RBM34: variants seen among roughly 807,000 people sequenced by gnomAD.
RBM34 encodes RNA-binding protein 34.
RBM34 carries 39 observed loss-of-function variants against 44.6 expected under a neutral mutation model. The observed-to-expected ratio is 0.87, with a 90% CI of 0.68 to 1.14. RBM34 has a LOEUF of 1.14. Among genes scored for constraint, RBM34 ranks in the 50% most tolerant of loss-of-function variants. The pLI is 0.00. For missense variants in RBM34, 572 were observed against 517.9 expected (o/e 1.10, Z -1.01); for synonymous variants, 194 against 184.0 (o/e 1.05, Z -0.44).
intron 6 of RBM34, among the ~76,000 whole-genome samples, chr1:235,142,298 G>A (rs1183615914): frequency 6.6e-6 from 1 of 152,040 alleles, no homozygotes; most frequent in African/African-American, 2.4e-5. Context: ...TTTATTTTGA[G>A]ACGGAGTTTC....
In RBM34 at chr1:235,133,406, G is replaced by A. The variant is rs1368562394; in HGVS notation, c.1009-1409C>T. On this transcript the variant is annotated intron_variant, in intron 10 of 10. Transcript: ENST00000408888. ...AGGGAAAAACAGAGAATTCTACCAA[G>A]GTCCAACATGAGAGAAATGACAGTA... is the stretch of plus-strand genomic sequence containing the variant. Among the ~76,000 whole-genome samples, 3 of 152,164 alleles carry A rather than the reference G, an allele frequency of 2.0e-5. No homozygotes were observed. In the East Asian group the frequency reaches 5.8e-4, roughly 29 times the overall value.
intron 3 of RBM34, among the ~76,000 whole-genome samples, chr1:235,155,862 TATATAC>T (rs1303363086): frequency 7.5e-5 from 3 of 40,000 alleles, no homozygotes; most frequent in African/African-American, 2.8e-4. Flanking sequence ...TATATATATA[TATATAC>T]ATATATACTT....
intron 3 of RBM34, among the ~76,000 whole-genome samples, chr1:235,157,467 G>A (rs1642688226): frequency 6.6e-6 from 1 of 152,176 alleles, no homozygotes; most frequent in African/African-American, 2.4e-5. Context: ...GGACTGATGA[G>A]AATGATGAGC....
chr1:235,147,492 T>A (rs1326519664), intron 6 of RBM34, among the ~76,000 whole-genome samples: 1 of 152,202 alleles, frequency 6.6e-6, no homozygotes, highest in Non-Finnish European at 1.5e-5. Flanking sequence ...CACTGAACAA[T>A]GCCTGGTATC....
chr1:235,133,260 G>A (rs1300987133), intron 10 of RBM34, among the ~76,000 whole-genome samples: 1 of 152,206 alleles, frequency 6.6e-6, no homozygotes, highest in African/African-American at 2.4e-5. Context: ...AGGATCGCTA[G>A]AGCCTGGGAG....
chr1:235,134,175 A>C (rs998479217), intron 10 of RBM34, among the ~76,000 whole-genome samples: 1 of 152,126 alleles, frequency 6.6e-6, no homozygotes, highest in Non-Finnish European at 1.5e-5. Flanking sequence ...GGCATGCACC[A>C]CCACGCCCAG....
chr1:235,146,368 A>C (rs1465185698), intron 6 of RBM34, among the ~76,000 whole-genome samples: 1 of 152,118 alleles, frequency 6.6e-6, no homozygotes, highest in African/African-American at 2.4e-5. Flanking sequence ...ATTTTTAAAA[A>C]ATGCTATAAA....
At chr1:235,152,504 T>G in intron 5 of RBM34, 3 of 1,297,686 alleles carry the variant, frequency 2.3e-6, no homozygotes, top group Non-Finnish European at 3.0e-6. Context: ...AGTATCATTT[T>G]ATTAAGTAAA....
intron 4 of RBM34, among the ~76,000 whole-genome samples, chr1:235,153,481 G>A (rs140876721): frequency 0.02 from 3,026 of 150,910 alleles, 34 homozygotes; most frequent in Non-Finnish European, 0.028. Context: ...GCTGGAGTGC[G>A]GTGGCACGAT....
intron 10 of RBM34, among the ~76,000 whole-genome samples, chr1:235,132,265 A>C (rs770274382): frequency 3.3e-5 from 5 of 152,124 alleles, no homozygotes; most frequent in Non-Finnish European, 7.4e-5. Flanking sequence ...TTTCATTGTA[A>C]AATGAGGTTC....
At chr1:235,158,471 G>A (rs1244081665) in intron 3 of RBM34, among the ~76,000 whole-genome samples, 3 of 143,056 alleles carry the variant, frequency 2.1e-5, no homozygotes, top group East Asian at 3.9e-4. Flanking sequence ...AGGCGAACGT[G>A]GATGGATCTG....
chr1:235,161,001 A>T lies in RBM34; in HGVS notation c.120T>A (p.Ser40Arg). 6.2e-7 allele frequency: 1 copy of T among 1,614,114 alleles called. No individual in the cohort carries two copies. The highest frequency in any genetic ancestry group is 8.5e-7 in the Non-Finnish European group (1 of 1,180,010). The change falls in exon 2 of 11, where the codon AGT (serine) becomes AGA (arginine). Residue 40 changes from serine to arginine, a missense_variant. Physicochemically the swap from Ser to Arg is moderately radical, Grantham distance 110. Coordinates refer to ENST00000408888, the MANE Select transcript of RBM34 (RefSeq NM_015014.4). ...AATGGTGTTCGCCGCGAAATAAGCT[A>T]CTGGCGACCTGTCCAAGCCTGTAGT... ...PEDYRLGQVASSLFRGEHHSR... is the reference protein window; with the variant it reads ...PEDYRLGQVARSLFRGEHHSR...
chr1:235,155,876 C>A (rs868627501), intron 3 of RBM34, among the ~76,000 whole-genome samples: 32 of 84,460 alleles, frequency 3.8e-4, no homozygotes, highest in East Asian at 4.5e-4. Context: ...TACATATATA[C>A]TTTTTTTTTT....
At position 235,135,701 on chromosome 1, in the gene RBM34, C is replaced by T; in HGVS notation, c.959G>A (p.Arg320Lys). 5 of 1,614,236 alleles carry T rather than the reference C, an allele frequency of 3.1e-6. No individual in the cohort carries two copies. The highest frequency in any genetic ancestry group is 4.2e-6 in the Non-Finnish European group (5 of 1,180,050). Residue 320 changes from arginine (R) to lysine (K), a missense_variant, in exon 10 of 11, where the codon AGA becomes AAA. Physicochemically the swap from Arg to Lys is conservative, Grantham distance 26. Coordinates refer to ENST00000408888, the MANE Select transcript of RBM34 (RefSeq NM_015014.4). ...TTTGCCGATGCCTGTCATTTTGTCT[C>T]TCACAATCCTCACGGCCATGATACT... ...CGSIMAVRIV[R>K]DKMTGIGKGF...
chr1:235,160,942 A>G lies in RBM34; in HGVS notation c.179T>C (p.Phe60Ser). The G allele has an allele frequency of 1.2e-6, 2 of 1,614,134 alleles. No individual in the cohort carries two copies. Among genetic ancestry groups the G allele is most frequent in the Non-Finnish European group, 1.7e-6 (2 of 1,180,020 alleles). Residue 60 changes from phenylalanine (F) to serine (S), a missense_variant, in exon 2 of 11, where the codon TTC becomes TCC. Physicochemically the swap from Phe to Ser is radical, Grantham distance 155 (BLOSUM62 -2). Coordinates refer to ENST00000408888, the MANE Select transcript of RBM34 (RefSeq NM_015014.4). ...RGGTGRLASLFSSLEPQIQPV... is the reference protein window; with the variant it reads ...RGGTGRLASLSSSLEPQIQPV... The stretch of plus-strand genomic sequence containing the variant: ...TTGAATCTGGGGCTCCAGAGAACTG[A>G]AGAGGGACGCCAGCCGACCGGTGCC...
Position 235,131,635 on chromosome 1 carries a change from A to C in RBM34, c.*78T>G, listed in dbSNP as rs1572137086. 1 of 1,449,240 alleles carries C rather than the reference A, an allele frequency of 6.9e-7. No individual in the cohort carries two copies. Among genetic ancestry groups the C allele is most frequent in the East Asian group, 2.3e-5 (1 of 43,812 alleles). 89.8% of individuals were successfully genotyped at this position (1,449,240 alleles called of 1,614,324 possible). Reference sequence around the variant, plus strand: ...GAAGTATAAAACTCAACACATGAATAGCAGACGATGCTATCAGCAGATAAT... The same window carrying C: ...GAAGTATAAAACTCAACACATGAATCGCAGACGATGCTATCAGCAGATAAT... On this transcript the variant is annotated 3_prime_UTR_variant, in exon 11 of 11. Coordinates refer to ENST00000408888, the MANE Select transcript of RBM34 (RefSeq NM_015014.4).
intron 2 of RBM34, 112 bp from the exon 3 acceptor site, chr1:235,160,759 G>C: frequency 6.6e-7 from 1 of 1,509,394 alleles, no homozygotes; most frequent in Non-Finnish European, 9.0e-7. Flanking sequence ...TGGTATGTAA[G>C]AGTCATGAAA....
chr1:235,160,288 G>A (rs1380955466), intron 3 of RBM34: 1 of 689,768 alleles, frequency 1.4e-6, no homozygotes, highest in Non-Finnish European at 2.6e-6. Flanking sequence ...GGGTATATGA[G>A]TGGGGTAAAA....
At chr1:235,146,932 T>G (rs1406018688) in intron 6 of RBM34, among the ~76,000 whole-genome samples, 1 of 152,156 alleles carries the variant, frequency 6.6e-6, no homozygotes, top group Non-Finnish European at 1.5e-5. Context: ...TCATTAAATT[T>G]TAAATTAAAA....
Sources: allele counts gnomAD v4.1 joint callset (sites outside exome capture counted in the v4.1 genomes callset), GRCh38; gene constraint gnomAD v4.1.1; transcripts MANE v1.5; gene names NCBI Gene and HGNC (gene_info 2026-07-23, HGNC 2026-07-21).